DLC1: variants seen among roughly 807,000 people sequenced by gnomAD.
DLC1 encodes DLC1 Rho GTPase activating protein, also known as rho GTPase-activating protein 7.
DLC1 carries 54 observed loss-of-function variants against 140.3 expected under a neutral mutation model. That is an observed-to-expected ratio of 0.38 (90% CI 0.31 to 0.48). DLC1 has a LOEUF of 0.48. DLC1 is among the 20% of genes least tolerant of loss of function. The pLI, the probability that DLC1 is intolerant of heterozygous loss-of-function variation, is 0.96. For missense variants in DLC1, 2,536 were observed against 1,907.0 expected (o/e 1.33, Z -6.14); for synonymous variants, 986 against 728.1 (o/e 1.35, Z -5.70).
chr8:13,222,898 T>C (rs1431616116), intron 5 of DLC1, among the ~76,000 whole-genome samples: 2 of 151,496 alleles, frequency 1.3e-5, no homozygotes, highest in Non-Finnish European at 2.9e-5. Flanking sequence ...CACACACCAC[T>C]ATACCCAGCT....
intron 1 of DLC1, among the ~76,000 whole-genome samples, chr8:13,505,939 C>T (rs1585219153): frequency 6.6e-6 from 1 of 152,278 alleles, no homozygotes; most frequent in East Asian, 1.9e-4. Context: ...CACTCAAATT[C>T]CCACTTTTCC....
chr8:13,247,998 A>G (rs1829835614), intron 5 of DLC1, among the ~76,000 whole-genome samples: 1 of 152,358 alleles, frequency 6.6e-6, no homozygotes, highest in African/African-American at 2.4e-5. Flanking sequence ...GAAACCATGC[A>G]TCGGCTGTCT....
intron 5 of DLC1, among the ~76,000 whole-genome samples, chr8:13,155,480 A>AT (rs972259696): frequency 6.6e-6 from 1 of 152,078 alleles, no homozygotes; most frequent in Non-Finnish European, 1.5e-5. Context: ...ATTTAAATCT[A>AT]TTTTTTTAAA....
intron 10 of DLC1, chr8:13,095,572 G>C (rs535105590): frequency 3.7e-6 from 1 of 267,524 alleles, no homozygotes; most frequent in African/African-American, 2.1e-5. Flanking sequence ...TCAGTTAGGA[G>C]CGTCCTTCCA....
chr8:13,563,027 C>T (rs1018442084), intron 1 of DLC1, among the ~76,000 whole-genome samples: 1 of 151,966 alleles, frequency 6.6e-6, no homozygotes, highest in African/African-American at 2.4e-5. Flanking sequence ...GAAAGATAAT[C>T]GAAAACTCTA....
chr8:13,251,128 G>C (rs943351039), intron 5 of DLC1, among the ~76,000 whole-genome samples: 1 of 152,154 alleles, frequency 6.6e-6, no homozygotes, highest in Admixed American at 6.5e-5. Flanking sequence ...TCCTTTCTAT[G>C]TGCACTCTCC....
intron 5 of DLC1, among the ~76,000 whole-genome samples, chr8:13,117,795 G>A (rs1213770134): frequency 2.0e-5 from 3 of 152,314 alleles, no homozygotes; most frequent in African/African-American, 7.2e-5. Flanking sequence ...GCCTTAATTA[G>A]ATACCAATTC....
At chr8:13,261,354 T>TGGAGTGACCAC (rs147761463) in intron 5 of DLC1, among the ~76,000 whole-genome samples, 15 of 151,830 alleles carry the variant, frequency 9.9e-5, no homozygotes, top group Non-Finnish European at 2.1e-4. Flanking sequence ...GTGTATAGAA[T>TGGAGTGACCAC]GGGAAAGGAT....
chr8:13,337,642 T>C (rs993108247), intron 4 of DLC1, among the ~76,000 whole-genome samples: 2 of 152,134 alleles, frequency 1.3e-5, no homozygotes, highest in African/African-American at 2.4e-5. Context: ...AGACAACTTA[T>C]AAGAAATCTA....
chr8:13,250,301 C>T (rs1474816495), intron 5 of DLC1, among the ~76,000 whole-genome samples: 3 of 152,216 alleles, frequency 2.0e-5, no homozygotes, highest in South Asian at 2.1e-4. Flanking sequence ...CACTAAGCTT[C>T]TGCAAAGACC....
chr8:13,347,973 C>T (rs1053562530), intron 4 of DLC1, among the ~76,000 whole-genome samples: 10 of 152,052 alleles, frequency 6.6e-5, no homozygotes, highest in Non-Finnish European at 1.5e-5. Flanking sequence ...CCTGTAGTCC[C>T]AGCTACTTGG....
At chr8:13,364,195 A>G (rs1395428689) in intron 4 of DLC1, among the ~76,000 whole-genome samples, 1 of 152,180 alleles carries the variant, frequency 6.6e-6, no homozygotes, top group Non-Finnish European at 1.5e-5. Flanking sequence ...TGAACTCTAC[A>G]TAGAATGTCA....
chr8:13,301,056 A>C (rs1323928882), intron 5 of DLC1, among the ~76,000 whole-genome samples: 2 of 152,180 alleles, frequency 1.3e-5, no homozygotes, highest in Admixed American at 6.5e-5. Flanking sequence ...CCAGGCGCCT[A>C]GCTGGCTTGC....
intron 5 of DLC1, among the ~76,000 whole-genome samples, chr8:13,233,544 T>G (rs1458145645): frequency 1.3e-5 from 2 of 152,166 alleles, no homozygotes; most frequent in Non-Finnish European, 2.9e-5. Flanking sequence ...TAATATTTTA[T>G]TCCAATCATG....
chr8:13,576,403 G>C (rs1804837919), intron 1 of DLC1, among the ~76,000 whole-genome samples: 1 of 152,164 alleles, frequency 6.6e-6, no homozygotes, highest in South Asian at 2.1e-4. Flanking sequence ...CACAATTCCA[G>C]AAGGAACAAT....
At chr8:13,437,944 A>G (rs1371663128) in intron 2 of DLC1, among the ~76,000 whole-genome samples, 2 of 152,134 alleles carry the variant, frequency 1.3e-5, no homozygotes, top group Admixed American at 1.3e-4. Context: ...AGGAAACTAA[A>G]AAAAAAAATT....
chr8:13,275,060 A>G (rs1162543304), intron 5 of DLC1, among the ~76,000 whole-genome samples: 1 of 152,196 alleles, frequency 6.6e-6, no homozygotes, highest in Non-Finnish European at 1.5e-5. Context: ...AAATGGTTAA[A>G]TTTAAAATAT....
chr8:13,160,791 T>C (rs147243423), intron 5 of DLC1, among the ~76,000 whole-genome samples: 2,197 of 152,150 alleles, frequency 0.014, 60 homozygotes, highest in African/African-American at 0.048. Context: ...TCAGGATAGA[T>C]TTAGGAAGGT....
chr8:13,343,790 T>C (rs1029654513), intron 4 of DLC1, among the ~76,000 whole-genome samples: 5 of 152,240 alleles, frequency 3.3e-5, no homozygotes, highest in Admixed American at 6.5e-5. Context: ...TTTGGTTCAA[T>C]TGATGGAAAT....
Sources: allele counts gnomAD v4.1 joint callset (sites outside exome capture counted in the v4.1 genomes callset), GRCh38; gene constraint gnomAD v4.1.1; transcripts MANE v1.5; gene names NCBI Gene and HGNC (gene_info 2026-07-23, HGNC 2026-07-21).